Variants in CYS1 observed in about 807,000 individuals in gnomAD.
CYS1 encodes the protein cystin-1.
Under a neutral mutation model 9.6 loss-of-function variants are expected in CYS1, and 5 were observed. The ratio of observed to expected loss-of-function variants is 0.52; its 90% CI spans 0.27 to 1.10. The LOEUF is 1.10. CYS1 is among the 50% of genes least tolerant of loss of function. CYS1 has a pLI of 0.11. For missense variants in CYS1, 221 were observed against 207.9 expected (o/e 1.06, Z -0.39); for synonymous variants, 88 against 95.7 (o/e 0.92, Z 0.47).
chr2:10,077,645 T>C (rs1379008411), intron 1 of CYS1, among the ~76,000 whole-genome samples: 1 of 150,354 alleles, frequency 6.7e-6, no homozygotes, highest in Non-Finnish European at 1.5e-5. Context: ...GCCAACATGG[T>C]GAAACCCTGT....
At position 10,072,123 on chromosome 2, in the gene CYS1, G is replaced by A. The variant is rs577477035; in HGVS notation, c.319-6167C>T. ...TTTGAGACAGAGTTTCGCTCTTGTC[G>A]CCCAGGCTGGAGTGCAATGGTGGGA... On this transcript the variant is annotated intron_variant, in intron 1 of 2. Coordinates refer to ENST00000381813, the MANE Select transcript of CYS1 (RefSeq NM_001037160.3). 1.7e-3 allele frequency among the ~76,000 whole-genome samples: 263 copies of A among 151,062 alleles called. 3 individuals carry two copies. In the South Asian group the frequency reaches 0.023, roughly 13 times the overall value.
chr2:10,077,438 C>G (rs1172055475), intron 1 of CYS1, among the ~76,000 whole-genome samples: 2 of 152,214 alleles, frequency 1.3e-5, no homozygotes, highest in African/African-American at 4.8e-5. Context: ...GTTTGATGTT[C>G]TTTTATGAAG....
intron 1 of CYS1, among the ~76,000 whole-genome samples, chr2:10,068,305 A>AT (rs1661721865): frequency 6.6e-6 from 1 of 152,118 alleles, no homozygotes; most frequent in Non-Finnish European, 1.5e-5. Context: ...TAAGATCTTC[A>AT]TTGGTATATT....
Position 10,058,878 on chromosome 2 carries a change from C to T in CYS1, c.452G>A (p.Ser151Asn), listed in dbSNP as rs757645657. Residue 151 changes from serine (S) to asparagine (N), a missense_variant, in exon 3 of 3, where the codon AGC (serine) becomes AAC (asparagine). By Grantham distance (46) the Ser-to-Asn change is conservative. Coordinates refer to ENST00000381813, the MANE Select transcript of CYS1 (RefSeq NM_001037160.3). Reference protein sequence around the residue: ...YDHSEEGLMASIEREYCR With the variant: ...YDHSEEGLMANIEREYCR Reference sequence around the variant, plus strand: ...TCAGCGGCAGTACTCCCGCTCGATGCTCGCCATCAGCCCCTCTTCCGAGTG... The same window carrying T: ...TCAGCGGCAGTACTCCCGCTCGATGTTCGCCATCAGCCCCTCTTCCGAGTG... The T allele has an allele frequency of 1.3e-6, 2 of 1,590,158 alleles. No individual in the cohort carries two copies. The highest frequency in any genetic ancestry group is 2.3e-5 in the South Asian group (2 of 87,418).
chr2:10,062,858 A>C (rs1308611038), intron 2 of CYS1, among the ~76,000 whole-genome samples: 1 of 152,234 alleles, frequency 6.6e-6, no homozygotes, highest in African/African-American at 2.4e-5. Flanking sequence ...GGTACTCAAC[A>C]AGCATTTGCA....
chr2:10,058,000 G>C lies in CYS1; in HGVS notation c.*853C>G, dbSNP rs965144250. 1 of 152,306 alleles carries C rather than the reference G, an allele frequency of 6.6e-6. No homozygotes were observed. The highest frequency in any genetic ancestry group is 2.4e-5 in the African/African-American group (1 of 41,470). 9.4% of individuals were successfully genotyped at this position (152,306 alleles called of 1,614,324 possible). On this transcript the variant is annotated 3_prime_UTR_variant, in exon 3 of 3. Coordinates refer to ENST00000381813, the MANE Select transcript of CYS1 (RefSeq NM_001037160.3). ...CACTGGCCAGGCTGCCTGTGAGAGG[G>C]AGAACTGGAAAGCCAGTATCAGGCA...
chr2:10,064,187 C>G (rs1661665017), intron 2 of CYS1, among the ~76,000 whole-genome samples: 1 of 152,026 alleles, frequency 6.6e-6, no homozygotes, highest in African/African-American at 2.4e-5. Context: ...CGTACCAGTG[C>G]ACTCCAGCCT....
intron 1 of CYS1, among the ~76,000 whole-genome samples, chr2:10,078,941 C>T (rs1224206619): frequency 6.6e-6 from 1 of 152,248 alleles, no homozygotes; most frequent in African/African-American, 2.4e-5. Flanking sequence ...CTAAAATTAA[C>T]TGCCTCCTTG....
At chr2:10,069,804 C>T (rs1661741490) in intron 1 of CYS1, among the ~76,000 whole-genome samples, 1 of 152,170 alleles carries the variant, frequency 6.6e-6, no homozygotes, top group African/African-American at 2.4e-5. Context: ...TCCAAAGTTC[C>T]CATGACATAA....
intron 1 of CYS1, among the ~76,000 whole-genome samples, chr2:10,068,360 G>A (rs937026269): frequency 6.6e-6 from 1 of 152,150 alleles, no homozygotes; most frequent in Admixed American, 6.5e-5. Context: ...TCTTTGGGGA[G>A]TTGATTATTT....
chr2:10,080,144 G>A lies in CYS1; in HGVS notation c.80C>T (p.Ala27Val), dbSNP rs749802060. Residue 27 changes from alanine to valine, a missense_variant, in exon 1 of 3, where the codon GCG (alanine) becomes GTG (valine). Physicochemically the swap from Ala to Val is moderately conservative, Grantham distance 64. Coordinates refer to ENST00000381813, the MANE Select transcript of CYS1 (RefSeq NM_001037160.3). The surrounding 1 kb of genome is among the most constrained non-coding windows in gnomAD (Gnocchi z 6.4). ...SPESLPAGPGAAALEGGTRRR... is the reference protein window; with the variant it reads ...SPESLPAGPGVAALEGGTRRR... ...GCGGGTCCCGCCCTCCAGGGCTGCC[G>A]CTCCGGGCCCCGCGGGGAGGCTCTC... 7 of 1,045,412 alleles carry A rather than the reference G, an allele frequency of 6.7e-6. No homozygotes were observed. Among genetic ancestry groups the A allele is most frequent in the Non-Finnish European group, 5.7e-6 (5 of 871,624 alleles). The allele number at this position is 1,045,412 out of a possible 1,614,324, so 64.8% of individuals were successfully genotyped here.
intron 1 of CYS1, among the ~76,000 whole-genome samples, chr2:10,070,946 G>A (rs1409684652): frequency 1.3e-5 from 2 of 151,570 alleles, no homozygotes; most frequent in African/African-American, 4.9e-5. Context: ...ACCACGCCCA[G>A]CCTGAGAACC....
chr2:10,059,340 T>C (rs1328794497), intron 2 of CYS1, among the ~76,000 whole-genome samples: 1 of 152,260 alleles, frequency 6.6e-6, no homozygotes, highest in Non-Finnish European at 1.5e-5. Flanking sequence ...TGAGTCGTTC[T>C]GAAGCATAAG....
intron 1 of CYS1, among the ~76,000 whole-genome samples, chr2:10,072,358 T>C (rs1031042430): frequency 1.4e-4 from 21 of 152,206 alleles, no homozygotes; most frequent in Non-Finnish European, 2.6e-4. Context: ...GCTGGGATTA[T>C]AGGCGTGAGC....
chr2:10,079,123 G>A (rs948294339), intron 1 of CYS1, among the ~76,000 whole-genome samples: 1 of 152,170 alleles, frequency 6.6e-6, no homozygotes, highest in African/African-American at 2.4e-5. Context: ...CAGGGCCAGA[G>A]GGAGAGAGCT....
At chr2:10,061,404 C>T (rs1370803009) in intron 2 of CYS1, among the ~76,000 whole-genome samples, 1 of 152,190 alleles carries the variant, frequency 6.6e-6, no homozygotes, top group Non-Finnish European at 1.5e-5. Flanking sequence ...CACGGGACGC[C>T]CAGACACCCT....
chr2:10,059,318 T>G (rs1661595023), intron 2 of CYS1, among the ~76,000 whole-genome samples: 1 of 152,252 alleles, frequency 6.6e-6, no homozygotes, highest in Non-Finnish European at 1.5e-5. Flanking sequence ...CTCAAGCACG[T>G]AACTTTATTC....
At chr2:10,071,805 C>T (rs1661771415) in intron 1 of CYS1, among the ~76,000 whole-genome samples, 1 of 152,186 alleles carries the variant, frequency 6.6e-6, no homozygotes, top group Non-Finnish European at 1.5e-5. Context: ...ATCACTGAGA[C>T]ACCTGGACGG....
chr2:10,080,114 C>T lies in CYS1; in HGVS notation c.110G>A (p.Arg37Gln), dbSNP rs1004399636. Residue 37 changes from arginine (R) to glutamine (Q), a missense_variant, in exon 1 of 3, where the codon CGG (arginine) becomes CAG (glutamine). Physicochemically the swap from Arg to Gln is conservative, Grantham distance 43. Coordinates refer to ENST00000381813, the MANE Select transcript of CYS1 (RefSeq NM_001037160.3). The surrounding 1 kb of genome is among the most constrained non-coding windows in gnomAD (Gnocchi z 6.4). ...AAALEGGTRR[R>Q]VPVAAAEVPG... ...GACCTCGGCCGCCGCCACCGGCACC[C>T]GCCGGCGGGTCCCGCCCTCCAGGGC... 1.0e-4 allele frequency: 105 copies of T among 1,027,454 alleles called. No homozygotes were observed. The Middle Eastern group carries it at 2.3e-3, about 23-fold the overall frequency. The allele number at this position is 1,027,454 out of a possible 1,614,324, so 63.6% of individuals were successfully genotyped here.
Sources: allele counts gnomAD v4.1 joint callset (sites outside exome capture counted in the v4.1 genomes callset), GRCh38; gene constraint gnomAD v4.1.1; non-coding constraint Gnocchi (gnomAD v3.1); transcripts MANE v1.5; gene names NCBI Gene and HGNC (gene_info 2026-07-23, HGNC 2026-07-21).